The following RAB2B variants were observed in gnomAD, a reference collection of about 807,000 sequenced individuals.
RAB2B encodes RAB2B, member RAS oncogene family.
In RAB2B, 20 loss-of-function variants were observed where a neutral mutation model predicts 29.8. The observed-to-expected ratio is 0.67, with a 90% CI of 0.47 to 0.97. RAB2B has a LOEUF of 0.97. RAB2B is among the 50% of genes least tolerant of loss of function. RAB2B has a pLI of 0.00. For synonymous variants in RAB2B, 93 were observed against 91.7 expected (o/e 1.01, Z -0.08); for missense variants, 218 against 272.0 (o/e 0.80, Z 1.40).
chr14:21,463,230 G>A (rs1197226862), intron 6 of RAB2B, among the ~76,000 whole-genome samples: 1 of 147,902 alleles, frequency 6.8e-6, no homozygotes, highest in African/African-American at 2.5e-5. Context: ...TAGTCACTAC[G>A]ATCAGAAGAC....
chr14:21,467,847 T>G (rs1822235300), intron 5 of RAB2B, among the ~76,000 whole-genome samples: 1 of 152,190 alleles, frequency 6.6e-6, no homozygotes, highest in African/African-American at 2.4e-5. Context: ...TATTGTGGTA[T>G]ATGCATACAA....
chr14:21,473,697 G>A (rs1890874056), intron 3 of RAB2B, among the ~76,000 whole-genome samples: 1 of 151,700 alleles, frequency 6.6e-6, no homozygotes, highest in Non-Finnish European at 1.5e-5. Flanking sequence ...GGCCAACATG[G>A]CAAAACCCCA....
chr14:21,468,844 C>G, intron 3 of RAB2B, 92 bp from the exon 4 acceptor site: 1 of 678,948 alleles, frequency 1.5e-6, no homozygotes, highest in Non-Finnish European at 2.2e-6. Flanking sequence ...ATACAAAGGA[C>G]TTAACTAAAA....
At chr14:21,474,775 T>C (rs1594417451) in intron 3 of RAB2B, 92 bp downstream of exon 3, 2 of 995,416 alleles carry the variant, frequency 2.0e-6, no homozygotes, top group South Asian at 2.6e-5. Context: ...ATCCCCACCA[T>C]TAGTTCCACC....
intron 5 of RAB2B, among the ~76,000 whole-genome samples, chr14:21,467,299 C>A (rs148388727): frequency 4.9e-4 from 75 of 152,184 alleles, no homozygotes; most frequent in African/African-American, 1.7e-3. Context: ...CTCGACCTCA[C>A]AGGCCCAAGT....
chr14:21,470,551 C>T (rs1045967746), intron 3 of RAB2B, among the ~76,000 whole-genome samples: 8 of 152,022 alleles, frequency 5.3e-5, no homozygotes, highest in South Asian at 2.1e-4. Flanking sequence ...GAATCAGAAT[C>T]GGAAAATAAA....
chr14:21,460,049 G>T lies in RAB2B; in HGVS notation c.*1147C>A. ...TTTGAAGTTACACTAAGAGATAGAA[G>T]CTAATAATAGGATAGTAGAGAAGTA... On this transcript the variant is annotated 3_prime_UTR_variant, in exon 8 of 8. Transcript: ENST00000397762. 1 of 439,558 alleles carries T rather than the reference G, an allele frequency of 2.3e-6. No individual in the cohort carries two copies. The highest frequency in any genetic ancestry group is 1.7e-5 in the South Asian group (1 of 59,304). The allele number at this position is 439,558 out of a possible 1,614,324, so 27.2% of individuals were successfully genotyped here. A position where few individuals can be genotyped will look rare whatever the true frequency, so the allele number is the denominator to read the frequency against.
chr14:21,469,023 G>C (rs1890747375), intron 3 of RAB2B, among the ~76,000 whole-genome samples: 1 of 149,962 alleles, frequency 6.7e-6, no homozygotes. Flanking sequence ...TAGCATCCTA[G>C]ATCCCAGTCA....
chr14:21,476,773 T>G (rs757780130), intron 1 of RAB2B, 54 bp downstream of exon 1: 9 of 1,554,660 alleles, frequency 5.8e-6, no homozygotes, highest in African/African-American at 1.4e-5. Flanking sequence ...GCCACCCAAT[T>G]TGGGAGCTTC....
In RAB2B at chr14:21,461,024, A is replaced by G. The variant is rs1890541781; in HGVS notation, c.*172T>C. 2 of 521,910 alleles carry G rather than the reference A, an allele frequency of 3.8e-6. No homozygotes were observed. The highest frequency in any genetic ancestry group is 6.9e-6 in the Non-Finnish European group (2 of 289,578). The allele number at this position is 521,910 out of a possible 1,614,324, so 32.3% of individuals were successfully genotyped here. ...TCTATAGGGAATGCTCATGTCCCTG[A>G]AGGAGGACAGGTCAGTAAGGGCCCA... On this transcript the variant is annotated 3_prime_UTR_variant, in exon 8 of 8. Transcript: ENST00000397762.
intron 6 of RAB2B, among the ~76,000 whole-genome samples, chr14:21,463,371 C>G (rs572320337): frequency 6.6e-6 from 1 of 151,684 alleles, no homozygotes; most frequent in Non-Finnish European, 1.5e-5. Context: ...CTCAGCCTCC[C>G]GAGTAACTGG....
intron 5 of RAB2B, among the ~76,000 whole-genome samples, chr14:21,464,695 T>A (rs572093113): frequency 3.9e-5 from 6 of 151,932 alleles, no homozygotes; most frequent in Non-Finnish European, 8.8e-5. Flanking sequence ...CAAAAGACCT[T>A]ATGAAAAACA....
In RAB2B at chr14:21,459,987, C is replaced by T; in HGVS notation, c.*1209G>A. 1 of 343,248 alleles carries T rather than the reference C, an allele frequency of 2.9e-6. No individual in the cohort carries two copies. The highest frequency in any genetic ancestry group is 2.3e-5 in the South Asian group (1 of 44,040). The allele number at this position is 343,248 out of a possible 1,614,324, so 21.3% of individuals were successfully genotyped here. A position where few individuals can be genotyped will look rare whatever the true frequency, so the allele number is the denominator to read the frequency against. ...GTTTTCTTTAGGTAATAATAAGTGG[C>T]CACATGTCCCTGACCAACTTCACTG... On this transcript the variant is annotated 3_prime_UTR_variant, in exon 8 of 8. Coordinates refer to ENST00000397762, the MANE Select transcript of RAB2B (RefSeq NM_032846.4).
At chr14:21,463,610 T>C (rs1227110468) in intron 6 of RAB2B, 46 bp downstream of exon 6, 1 of 1,214,160 alleles carries the variant, frequency 8.2e-7, no homozygotes, top group East Asian at 2.3e-5. Context: ...GGACAAATAA[T>C]GGTGTAATCT....
chr14:21,463,760 C>G lies in RAB2B; in HGVS notation c.370G>C (p.Glu124Gln), dbSNP rs994332865. The change falls in exon 6 of 8, where the codon GAG (glutamate) becomes CAG (glutamine). Residue 124 changes from glutamate to glutamine, a missense_variant. Physicochemically the swap from Glu to Gln is conservative, Grantham distance 29. Transcript: ENST00000397762. ...TCTCTCTTCACATCCCTGCGGGACT[C>G]TAGGTCACTGCAAGAGATTAATTAA... ...IMLIGNKSDLESRRDVKREEG... is the reference protein window; with the variant it reads ...IMLIGNKSDLQSRRDVKREEG... 6.3e-7 allele frequency: 1 copy of G among 1,598,648 alleles called. No homozygotes were observed. The highest frequency in any genetic ancestry group is 8.6e-7 in the Non-Finnish European group (1 of 1,166,958).
Position 21,459,919 on chromosome 14 carries a change from A to G in RAB2B, c.*1277T>C, listed in dbSNP as rs1566463649. The G allele has an allele frequency of 3.1e-6, 1 of 323,418 alleles. No homozygotes were observed. The highest frequency in any genetic ancestry group is 6.2e-6 in the Non-Finnish European group (1 of 161,954). 20.0% of individuals were successfully genotyped at this position (323,418 alleles called of 1,614,324 possible). ...AGTCTATCTGGTGAAAGACACTACA[A>G]TGTTAGATCTGGCCCCTAAAATAAA... On this transcript the variant is annotated 3_prime_UTR_variant, in exon 8 of 8. Coordinates refer to ENST00000397762, the MANE Select transcript of RAB2B (RefSeq NM_032846.4).
rs548774745 is a variant in RAB2B at position 21,472,617 on chromosome 14, G to A, written c.186+2250C>T. Among the ~76,000 whole-genome samples the A allele has an allele frequency of 3.3e-5, 5 of 152,244 alleles. No homozygotes were observed. The East Asian group carries it at 9.6e-4, about 29-fold the overall frequency. On this transcript the variant is annotated intron_variant, in intron 3 of 7. Coordinates refer to ENST00000397762, the MANE Select transcript of RAB2B (RefSeq NM_032846.4). ...GAAACTGGTTCCTTTTTATGATTTAGCAAATATTAATCTCAAGACAATTTT... is the reference window on the plus strand; with the variant it reads ...GAAACTGGTTCCTTTTTATGATTTAACAAATATTAATCTCAAGACAATTTT...
chr14:21,460,629 T>C lies in RAB2B; in HGVS notation c.*567A>G, dbSNP rs1890528766. 6.4e-6 allele frequency: 1 copy of C among 156,998 alleles called. No homozygotes were observed. The highest frequency in any genetic ancestry group is 6.2e-5 in the Admixed American group (1 of 16,010). 9.7% of individuals were successfully genotyped at this position (156,998 alleles called of 1,614,324 possible). ...AAGAAAAAAAAAATTATTTATTTAT[T>C]TGAGACAGAGTTTTGCTCTTGTTGC... On this transcript the variant is annotated 3_prime_UTR_variant, in exon 8 of 8. Transcript: ENST00000397762.
At chr14:21,466,945 C>T (rs1290806274) in intron 5 of RAB2B, among the ~76,000 whole-genome samples, 2 of 151,986 alleles carry the variant, frequency 1.3e-5, no homozygotes, top group South Asian at 2.1e-4. Context: ...CTCACTCTGT[C>T]GCCCTGGCTG....
Sources: gnomAD v4.1 joint callset for allele counts (sites outside exome capture counted in the v4.1 genomes callset) on GRCh38, gnomAD v4.1.1 for gene constraint, MANE v1.5 for transcripts, NCBI Gene and HGNC (gene_info 2026-07-23, HGNC 2026-07-21) for gene names.